The following LMF1 variants were observed in gnomAD, a reference collection of about 807,000 sequenced individuals.
LMF1 encodes the protein transmembrane protein 112.
In LMF1, 68 loss-of-function variants were observed where a neutral mutation model predicts 60.6. The observed-to-expected ratio is 1.12, with a 90% CI of 0.92 to 1.37. LMF1 has a LOEUF of 1.37. Among genes scored for constraint, LMF1 ranks in the 40% most tolerant of loss-of-function variants. The pLI, the probability that LMF1 is intolerant of heterozygous loss-of-function variation, is 0.00. For missense variants in LMF1, 948 were observed against 767.2 expected, an observed-to-expected ratio of 1.24 and a Z score of -2.78; for synonymous variants, 418 against 324.7, an observed-to-expected ratio of 1.29 and a Z score of -3.09.
At chr16:963,929 G>C (rs2081925950) in intron 1 of LMF1, 1 of 405,632 alleles carries the variant, frequency 2.5e-6, no homozygotes, top group South Asian at 1.7e-5. Flanking sequence ...AAACATCACA[G>C]GCTCTCAAAA....
At chr16:926,852 TGAGTCCTCCCCTTCTAGCCATAG>T (rs1413862328) in intron 3 of LMF1, among the ~76,000 whole-genome samples, 4 of 152,140 alleles carry the variant, frequency 2.6e-5, no homozygotes, top group African/African-American at 4.8e-5. Context: ...CTCCTCTCTG[TGAGTCCTCCCCTTCTAGCCATAG>T]GAGTCCTCCC....
intron 6 of LMF1, among the ~76,000 whole-genome samples, chr16:876,548 G>T (rs146176182): frequency 2.5e-3 from 369 of 147,934 alleles, no homozygotes; most frequent in African/African-American, 8.6e-3. Context: ...AAACTGGGAG[G>T]GGGGGATAAG....
chr16:970,220 C>T (rs1206926110), intron 1 of LMF1, among the ~76,000 whole-genome samples: 4 of 152,246 alleles, frequency 2.6e-5, no homozygotes, highest in African/African-American at 4.8e-5. Flanking sequence ...CCCTGGGAGA[C>T]GCGAAGGAGG....
chr16:868,484 C>T (rs939750820), intron 10 of LMF1, among the ~76,000 whole-genome samples: 3 of 152,208 alleles, frequency 2.0e-5, no homozygotes, highest in Non-Finnish European at 4.4e-5. Flanking sequence ...AATGTCACCA[C>T]GTCACTGGCC....
At chr16:859,453 G>T (rs2069360318) in intron 10 of LMF1, among the ~76,000 whole-genome samples, 1 of 119,542 alleles carries the variant, frequency 8.4e-6, no homozygotes, top group African/African-American at 4.2e-5. Context: ...GTCACGGGAC[G>T]GGTGTGAGTG....
At chr16:935,091 T>C (rs1275979787) in intron 2 of LMF1, among the ~76,000 whole-genome samples, 2 of 151,362 alleles carry the variant, frequency 1.3e-5, no homozygotes, top group African/African-American at 4.9e-5. Context: ...AGGTTTATCC[T>C]GGGGTTGATC....
intron 2 of LMF1, among the ~76,000 whole-genome samples, chr16:949,896 A>C (rs1490374684): frequency 2.8e-5 from 3 of 108,546 alleles, no homozygotes; most frequent in African/African-American, 1.5e-4. Context: ...AGAATCAGAG[A>C]CAACGACAGA....
At chr16:868,901 AT>A (rs778266267) in intron 10 of LMF1, 42 bp downstream of exon 10, 1 of 1,299,074 alleles carries the variant, frequency 7.7e-7, no homozygotes, top group African/African-American at 1.5e-5. Context: ...AGACACCTGG[AT>A]TTGGGGGAGA....
upstream of LMF1, chr16:981,335 AGAGAGAGAGAGAGTGTGTGTGTGTGT>A (rs2073362320): frequency 3.0e-6 from 1 of 328,452 alleles, no homozygotes; most frequent in Non-Finnish European, 6.2e-6. Context: ...AGAGAGAGAG[AGAGAGAGAGAGAGTGTGTGTGTGTGT>A]GTGTGTGTGT....
chr16:855,984 C>T (rs747928934), intron 10 of LMF1: 3 of 455,806 alleles, frequency 6.6e-6, no homozygotes, highest in Non-Finnish European at 1.3e-5. Context: ...TTCTTCTCTC[C>T]CCAAGTCTGA....
At position 854,184 on chromosome 16, in the gene LMF1, G is replaced by C. The variant is rs1157745449; in HGVS notation, c.*348C>G. On this transcript the variant is annotated 3_prime_UTR_variant, in exon 11 of 11. Coordinates refer to ENST00000262301, the MANE Select transcript of LMF1 (RefSeq NM_022773.4). ...AGCTACCTGGCTGGGTCTATGGTCAGGGCTGTAGTGGAGGAAGGTGTCAGG... is the reference window on the plus strand; with the variant it reads ...AGCTACCTGGCTGGGTCTATGGTCACGGCTGTAGTGGAGGAAGGTGTCAGG... The C allele has an allele frequency of 1.9e-6, 1 of 515,324 alleles. No homozygotes were observed. Among genetic ancestry groups the C allele is most frequent in the Non-Finnish European group, 3.7e-6 (1 of 267,310 alleles). 31.9% of individuals were successfully genotyped at this position (515,324 alleles called of 1,614,324 possible).
chr16:876,402 C>A (rs139608575), intron 6 of LMF1, among the ~76,000 whole-genome samples: 1 of 152,286 alleles, frequency 6.6e-6, no homozygotes, highest in East Asian at 1.9e-4. Context: ...TGTCGTCGTC[C>A]GTTTGTCGGA....
At chr16:879,302 A>C (rs976685151) in intron 6 of LMF1, among the ~76,000 whole-genome samples, 2 of 152,192 alleles carry the variant, frequency 1.3e-5, no homozygotes, top group Non-Finnish European at 2.9e-5. Context: ...CGAGCCCAGG[A>C]CATGGCCGGG....
At chr16:972,055 C>T (rs1012968639), upstream of LMF1, among the ~76,000 whole-genome samples, 2 of 152,108 alleles carry the variant, frequency 1.3e-5, no homozygotes, top group Non-Finnish European at 2.9e-5. Context: ...TGTTTAATTA[C>T]CTGTTTAATT....
intron 3 of LMF1, among the ~76,000 whole-genome samples, chr16:914,617 C>CT (rs200903968): frequency 6.0e-4 from 7 of 11,718 alleles, no homozygotes; most frequent in African/African-American, 1.4e-3. Context: ...CCCTCCCTCC[C>CT]CATGACCATT....
intron 10 of LMF1, among the ~76,000 whole-genome samples, chr16:856,368 G>A (rs1387394797): frequency 1.3e-5 from 2 of 152,228 alleles, no homozygotes; most frequent in Non-Finnish European, 2.9e-5. Context: ...GAAGGGACGG[G>A]CTGGAATGCG....
At chr16:948,853 T>A (rs1192869044) in intron 2 of LMF1, among the ~76,000 whole-genome samples, 3 of 69,562 alleles carry the variant, frequency 4.3e-5, no homozygotes, top group South Asian at 5.8e-4. Context: ...AACGACAGAG[T>A]CAGCCAACGA....
intron 5 of LMF1, among the ~76,000 whole-genome samples, chr16:880,676 C>T (rs536611994): frequency 2.0e-4 from 31 of 152,324 alleles, no homozygotes; most frequent in African/African-American, 7.0e-4. Context: ...ATCAGACAGT[C>T]GATCCATCAA....
intron 3 of LMF1, chr16:933,919 G>A (rs2071864283): frequency 7.6e-7 from 1 of 1,321,142 alleles, no homozygotes; most frequent in African/African-American, 1.5e-5. Context: ...GGGGCACACA[G>A]CCTTGAGCGT....
Sources: gnomAD v4.1 joint callset for allele counts (sites outside exome capture counted in the v4.1 genomes callset) on GRCh38, gnomAD v4.1.1 for gene constraint, MANE v1.5 for transcripts, NCBI Gene and HGNC (gene_info 2026-07-23, HGNC 2026-07-21) for gene names.